The following GRK7 variants were observed in gnomAD, a reference collection of about 807,000 sequenced individuals.
GRK7 encodes G protein-coupled receptor kinase 7.
A neutral mutation model predicts 34.1 loss-of-function variants in GRK7; 24 were observed. That is an observed-to-expected ratio of 0.70 (90% confidence interval 0.51 to 0.99). The LOEUF is 0.99. Among genes scored for constraint, GRK7 ranks in the 50% least tolerant of loss-of-function variants. GRK7 has a pLI of 0.00. For missense variants in GRK7, 644 were observed against 707.3 expected (o/e 0.91, Z 1.02); for synonymous variants, 256 against 279.4 (o/e 0.92, Z 0.84).
upstream of GRK7, among the ~76,000 whole-genome samples, chr3:141,760,242 G>A (rs547280467): frequency 7.8e-6 from 1 of 127,992 alleles, no homozygotes; most frequent in South Asian, 2.9e-4. Flanking sequence ...GCTTTCTCTT[G>A]TGGGCATTTA....
chr3:141,768,662 GT>G (rs1294552936), intron 1 of GRK7, among the ~76,000 whole-genome samples: 3 of 151,978 alleles, frequency 2.0e-5, no homozygotes, highest in African/African-American at 7.3e-5. Context: ...CCCATCATAT[GT>G]CTCTCCCTTT....
intron 1 of GRK7, among the ~76,000 whole-genome samples, chr3:141,773,873 C>T (rs772039862): frequency 7.9e-5 from 12 of 152,222 alleles, no homozygotes; most frequent in Admixed American, 4.6e-4. Flanking sequence ...TGCTGAAAGT[C>T]ACACAGCTAG....
rs753013143 is a variant in GRK7, at chr3:141,817,041, G to A, written c.1653G>A (p.Leu551=). The part of the protein sequence containing the change: ...EGNSSKSGVC[L]LL Reference sequence around the variant, plus strand: ...ATTCATCCAAGTCTGGCGTGTGTTTGTTATTGTAAATTGCTCTCTTTACCA... The same window carrying A: ...ATTCATCCAAGTCTGGCGTGTGTTTATTATTGTAAATTGCTCTCTTTACCA... The change falls in exon 6 of 6, where the codon TTG becomes TTA. Residue 551 remains leucine, a synonymous_variant. Coordinates refer to ENST00000682958, the MANE Select transcript of GRK7 (RefSeq NM_139209.3). 1.9e-6 allele frequency: 3 copies of A among 1,596,146 alleles called. No homozygotes were observed. Among genetic ancestry groups the A allele is most frequent in the South Asian group, 1.1e-5 (1 of 88,944 alleles).
intron 1 of GRK7, among the ~76,000 whole-genome samples, chr3:141,773,206 G>A (rs1399818062): frequency 6.6e-6 from 1 of 151,608 alleles, no homozygotes; most frequent in Admixed American, 6.6e-5. Context: ...ATATGACAGA[G>A]GTTAGTCTTC....
chr3:141,806,594 T>C (rs961650641), intron 4 of GRK7, among the ~76,000 whole-genome samples: 5 of 150,562 alleles, frequency 3.3e-5, no homozygotes, highest in Non-Finnish European at 7.4e-5. Context: ...CACACACACA[T>C]ATATATTTGA....
intron 4 of GRK7, among the ~76,000 whole-genome samples, chr3:141,793,108 T>A (rs1006316866): frequency 1.3e-5 from 2 of 152,238 alleles, no homozygotes; most frequent in Non-Finnish European, 2.9e-5. Context: ...GCTGCTTATT[T>A]GTGTCATTTA....
At chr3:141,763,251 G>A (rs538801944), upstream of GRK7, among the ~76,000 whole-genome samples, 7 of 152,230 alleles carry the variant, frequency 4.6e-5, no homozygotes, top group African/African-American at 1.7e-4. Context: ...GCTGTGTTTC[G>A]GTCAAACAAC....
rs957716312 is a variant in GRK7 at position 141,763,516 on chromosome 3, C to T, written c.-2437C>T. Among the ~76,000 whole-genome samples, 2 of 152,134 alleles carry T rather than the reference C, an allele frequency of 1.3e-5. No individual in the cohort carries two copies. The highest frequency in any genetic ancestry group is 2.4e-5 in the African/African-American group (1 of 41,420). ...ACCTTCACAGACGAGGAACCAGGGCCCCAGTGCTGTGCCTAAGACCTCCTT... is the reference window on the plus strand; with the variant it reads ...ACCTTCACAGACGAGGAACCAGGGCTCCAGTGCTGTGCCTAAGACCTCCTT... On this transcript the variant is annotated 5_prime_UTR_variant, in exon 1 of 6. Coordinates refer to ENST00000682958, the MANE Select transcript of GRK7 (RefSeq NM_139209.3).
chr3:141,783,699 TG>T (rs1200684683), intron 4 of GRK7, among the ~76,000 whole-genome samples: 1 of 151,296 alleles, frequency 6.6e-6, no homozygotes, highest in Non-Finnish European at 1.5e-5. Context: ...AGTGGGGAAA[TG>T]GAGTTTTGAG....
chr3:141,782,991 T>G (rs915497790), intron 4 of GRK7, among the ~76,000 whole-genome samples: 3 of 152,162 alleles, frequency 2.0e-5, no homozygotes, highest in Non-Finnish European at 4.4e-5. Context: ...CCAGCATTAG[T>G]TCAGCAGCTG....
the GRK7 span, among the ~76,000 whole-genome samples, chr3:141,754,119 G>C: frequency 6.6e-6 from 1 of 152,166 alleles, no homozygotes; most frequent in Non-Finnish European, 1.5e-5. Context: ...AATACACTTG[G>C]CAACAAATAT....
chr3:141,755,824 A>G, the GRK7 span, among the ~76,000 whole-genome samples: 3 of 152,156 alleles, frequency 2.0e-5, no homozygotes, highest in Non-Finnish European at 4.4e-5. Flanking sequence ...CTTCTACCCT[A>G]TCATCTAAGG....
upstream of GRK7, among the ~76,000 whole-genome samples, chr3:141,758,795 T>C (rs1041183947): frequency 2.0e-5 from 3 of 150,630 alleles, no homozygotes; most frequent in African/African-American, 4.9e-5. Context: ...GAGCATGGAA[T>C]GTTCTTCCAT....
intron 4 of GRK7, among the ~76,000 whole-genome samples, chr3:141,804,946 T>A (rs1577925267): frequency 6.7e-6 from 1 of 148,976 alleles, no homozygotes; most frequent in South Asian, 2.1e-4. Context: ...TACACTCACA[T>A]ACACACATAC....
chr3:141,766,551 C>G (rs1440356961), intron 1 of GRK7, among the ~76,000 whole-genome samples: 1 of 152,150 alleles, frequency 6.6e-6, no homozygotes, highest in Non-Finnish European at 1.5e-5. Flanking sequence ...TTAAAGCAGA[C>G]TCACCGAAAT....
intron 5 of GRK7, among the ~76,000 whole-genome samples, chr3:141,808,505 G>A (rs1371671868): frequency 2.0e-5 from 3 of 152,268 alleles, no homozygotes; most frequent in South Asian, 2.1e-4. Context: ...ACGAGGTCAG[G>A]AGTTCAAGAC....
chr3:141,790,292 C>T (rs1329889915), intron 4 of GRK7, among the ~76,000 whole-genome samples: 1 of 152,142 alleles, frequency 6.6e-6, no homozygotes, highest in Non-Finnish European at 1.5e-5. Flanking sequence ...GCCACCGCAC[C>T]CAGCCAGCAT....
chr3:141,779,801 A>C (rs543915551), intron 3 of GRK7, among the ~76,000 whole-genome samples: 2 of 152,160 alleles, frequency 1.3e-5, no homozygotes, highest in Non-Finnish European at 2.9e-5. Flanking sequence ...TCTTTCACTC[A>C]TTAGAATGTT....
chr3:141,763,552 G>C lies in GRK7; in HGVS notation c.-2401G>C, dbSNP rs2084566735. 6.6e-6 allele frequency among the ~76,000 whole-genome samples: 1 copy of C among 152,146 alleles called. No homozygotes were observed. The highest frequency in any genetic ancestry group is 2.4e-5 in the African/African-American group (1 of 41,428). ...GCCTAAGACCTCCTTCAACTTAGCA[G>C]TAGCCCAGTGGAAGCTGCAGGATCC... On this transcript the variant is annotated 5_prime_UTR_variant, in exon 1 of 6. Coordinates refer to ENST00000682958, the MANE Select transcript of GRK7 (RefSeq NM_139209.3).
Sources: allele counts gnomAD v4.1 joint callset (sites outside exome capture counted in the v4.1 genomes callset), GRCh38; gene constraint gnomAD v4.1.1; transcripts MANE v1.5; gene names NCBI Gene and HGNC (gene_info 2026-07-23, HGNC 2026-07-21).